SH3GL2: variants seen among roughly 807,000 people sequenced by gnomAD.
The protein encoded by SH3GL2 is endophilin-A1.
Under a neutral mutation model 46.0 loss-of-function variants are expected in SH3GL2, and 24 were observed. That is an observed-to-expected ratio of 0.52 (90% CI 0.38 to 0.73). The LOEUF is 0.73. SH3GL2 is among the 30% of genes least tolerant of loss of function. SH3GL2 has a pLI of 0.00. For missense variants in SH3GL2, 413 were observed against 424.2 expected, an observed-to-expected ratio of 0.97 and a Z score of 0.23; for synonymous variants, 196 against 147.1, an observed-to-expected ratio of 1.33 and a Z score of -2.40.
intron 1 of SH3GL2, among the ~76,000 whole-genome samples, chr9:17,670,639 A>G (rs561891900): frequency 3.9e-5 from 6 of 152,272 alleles, no homozygotes; most frequent in African/African-American, 9.6e-5. Context: ...TGTTTTCCCA[A>G]CTTTAGCTCT....
intron 1 of SH3GL2, among the ~76,000 whole-genome samples, chr9:17,619,571 G>T (rs553563445): frequency 1.3e-5 from 2 of 152,032 alleles, no homozygotes; most frequent in African/African-American, 4.8e-5. Flanking sequence ...CCAGCTACTC[G>T]GGAGGCTGAG....
intron 1 of SH3GL2, among the ~76,000 whole-genome samples, chr9:17,733,743 G>A (rs925193676): frequency 6.6e-6 from 1 of 152,060 alleles, no homozygotes; most frequent in African/African-American, 2.4e-5. Context: ...ATGATAGACT[G>A]GATTAAGAAA....
chr9:17,651,213 A>G (rs1359388803), intron 1 of SH3GL2, among the ~76,000 whole-genome samples: 3 of 152,010 alleles, frequency 2.0e-5, no homozygotes, highest in African/African-American at 7.3e-5. Context: ...TTCTCCATGT[A>G]TATTTTTAGA....
At chr9:17,683,447 A>G (rs1820825823) in intron 1 of SH3GL2, among the ~76,000 whole-genome samples, 1 of 152,106 alleles carries the variant, frequency 6.6e-6, no homozygotes. Context: ...CTCAGGGGAC[A>G]GGTGGAGACC....
At chr9:17,640,527 A>G (rs1819653993) in intron 1 of SH3GL2, among the ~76,000 whole-genome samples, 1 of 152,150 alleles carries the variant, frequency 6.6e-6, no homozygotes, top group Non-Finnish European at 1.5e-5. Flanking sequence ...GGTATGATTC[A>G]AAAGGAGCTC....
chr9:17,669,589 A>T (rs1452741278), intron 1 of SH3GL2, among the ~76,000 whole-genome samples: 1 of 152,204 alleles, frequency 6.6e-6, no homozygotes, highest in African/African-American at 2.4e-5. Flanking sequence ...GATTTACTCA[A>T]ATTATTGCAT....
At chr9:17,727,544 G>T (rs1822054319) in intron 1 of SH3GL2, among the ~76,000 whole-genome samples, 1 of 152,110 alleles carries the variant, frequency 6.6e-6, no homozygotes, top group Non-Finnish European at 1.5e-5. Flanking sequence ...CTCCCTGAAG[G>T]CCACCTCTGA....
intron 1 of SH3GL2, among the ~76,000 whole-genome samples, chr9:17,602,765 T>C (rs1054897136): frequency 1.5e-5 from 2 of 136,230 alleles, no homozygotes; most frequent in African/African-American, 5.0e-5. Context: ...AAACATTTCT[T>C]GTAGGTGAGA....
chr9:17,652,975 C>A (rs147549164), intron 1 of SH3GL2, among the ~76,000 whole-genome samples: 113 of 152,170 alleles, frequency 7.4e-4, no homozygotes, highest in African/African-American at 2.5e-3. Flanking sequence ...TTTTTGGCTG[C>A]AATTCTATTC....
intron 3 of SH3GL2, among the ~76,000 whole-genome samples, chr9:17,770,740 G>A (rs1228344321): frequency 4.6e-5 from 7 of 152,300 alleles, no homozygotes; most frequent in African/African-American, 7.2e-5. Flanking sequence ...CCCAAGGAGA[G>A]GACCACATGT....
intron 7 of SH3GL2, among the ~76,000 whole-genome samples, chr9:17,792,191 A>G (rs868399267): frequency 6.6e-6 from 1 of 152,260 alleles, no homozygotes; most frequent in Middle Eastern, 3.4e-3. Flanking sequence ...GTTTTCCCTC[A>G]GGCTGATCTC....
At chr9:17,653,844 A>G in intron 1 of SH3GL2, 1 of 979,278 alleles carries the variant, frequency 1.0e-6, no homozygotes, top group Non-Finnish European at 1.2e-6. Flanking sequence ...GCCTTGGTGA[A>G]CATTCATGGA....
chr9:17,683,744 C>G (rs972114052), intron 1 of SH3GL2, among the ~76,000 whole-genome samples: 9 of 152,004 alleles, frequency 5.9e-5, no homozygotes, highest in African/African-American at 2.2e-4. Context: ...AAAGACCTCC[C>G]TAAGGTACAG....
Position 17,795,671 on chromosome 9 carries a change from G to T in SH3GL2, c.987G>T (p.Glu329Asp), listed in dbSNP as rs1421661714. The change falls in exon 9 of 9, where the codon GAG (glutamate) becomes GAT (aspartate). Residue 329 changes from glutamate to aspartate, a missense_variant. Physicochemically the swap from Glu to Asp is conservative, Grantham distance 45 (BLOSUM62 2). This residue lies in a region of SH3GL2 where 248 missense variants were observed against 215.0 expected (regional missense o/e 1.15). Coordinates refer to ENST00000380607, the MANE Select transcript of SH3GL2 (RefSeq NM_003026.5). ...ACCAAATTGATGAGAACTGGTATGA[G>T]GGGATGCTGCATGGCCATTCAGGCT... ...LTNQIDENWY[E>D]GMLHGHSGFF... 1 of 1,614,026 alleles carries T rather than the reference G, an allele frequency of 6.2e-7. No individual in the cohort carries two copies. Among genetic ancestry groups the T allele is most frequent in the Non-Finnish European group, 8.5e-7 (1 of 1,179,944 alleles).
rs187683285 is a variant in SH3GL2 at position 17,644,444 on chromosome 9, C to T, written c.45+65157C>T. ...TAGGGTGTTGATTTTAGATCTTTCC[C>T]TCTTTCTCCCGTGGGCATTTAGTGC... On this transcript the variant is annotated intron_variant, in intron 1 of 8. Coordinates refer to ENST00000380607, the MANE Select transcript of SH3GL2 (RefSeq NM_003026.5). Among the ~76,000 whole-genome samples, 426 of 152,138 alleles carry T rather than the reference C, an allele frequency of 2.8e-3. 3 individuals carry two copies. Among genetic ancestry groups the T allele is most frequent in the African/African-American group, 0.01 (417 of 41,520 alleles).
intron 1 of SH3GL2, among the ~76,000 whole-genome samples, chr9:17,653,123 T>C (rs1040177904): frequency 2.6e-5 from 4 of 152,220 alleles, no homozygotes; most frequent in Non-Finnish European, 4.4e-5. Context: ...TCTTTTGGTA[T>C]TTAGTTTCAT....
At chr9:17,599,079 G>T (rs1051933403) in intron 1 of SH3GL2, among the ~76,000 whole-genome samples, 1 of 152,138 alleles carries the variant, frequency 6.6e-6, no homozygotes. Flanking sequence ...TTAGTAAATG[G>T]CATTTGGACA....
At chr9:17,653,362 A>G (rs182512016) in intron 1 of SH3GL2, among the ~76,000 whole-genome samples, 14 of 152,114 alleles carry the variant, frequency 9.2e-5, no homozygotes, top group Admixed American at 2.0e-4. Context: ...ACTTTCCTCT[A>G]TTCTTTTGAG....
intron 1 of SH3GL2, among the ~76,000 whole-genome samples, chr9:17,714,759 A>G (rs1821710408): frequency 6.6e-6 from 1 of 151,774 alleles, no homozygotes; most frequent in Admixed American, 6.6e-5. Context: ...ATAGTCAGTT[A>G]TCTTTTAATA....
Sources: allele counts gnomAD v4.1 joint callset (sites outside exome capture counted in the v4.1 genomes callset), GRCh38; gene constraint gnomAD v4.1.1; regional missense constraint gnomAD v4.1.1; transcripts MANE v1.5; gene names NCBI Gene and HGNC (gene_info 2026-07-23, HGNC 2026-07-21).